PEX6: variants seen among roughly 807,000 people sequenced by gnomAD.
The protein encoded by PEX6 is peroxisome biogenesis factor 6.
In PEX6, 55 loss-of-function variants were observed where a neutral mutation model predicts 85.6. That is an observed-to-expected ratio of 0.64 (90% confidence interval 0.52 to 0.80). PEX6 has a LOEUF of 0.80. PEX6 is among the 30% of genes least tolerant of loss of function. PEX6 has a pLI of 0.00. For missense variants in PEX6, 1,099 were observed against 1,260.3 expected (o/e 0.87, Z 1.94); for synonymous variants, 519 against 549.1 (o/e 0.95, Z 0.77).
In PEX6 at chr6:42,969,700, G is replaced by C. The variant is rs142958800; in HGVS notation, c.1335C>G (p.Leu445=). The C allele has an allele frequency of 5.7e-5, 92 of 1,613,256 alleles. No individual in the cohort carries two copies. The African/African-American group carries it at 1.0e-3, about 18-fold the overall frequency. Residue 445 remains leucine, a synonymous_variant, in exon 5 of 17, where the codon CTC becomes CTG. Transcript: ENST00000304611. ...GGAGGCGAGGCTTCAGGACAGCACAGAGTTCAGACACCAAGGCCTCCAGGC... is the reference window on the plus strand; with the variant it reads ...GGAGGCGAGGCTTCAGGACAGCACACAGTTCAGACACCAAGGCCTCCAGGC... ...PPGLEALVSE[L]CAVLKPRLQP...
At position 42,965,826 on chromosome 6, in the gene PEX6, C is replaced by T. The variant is rs780429362; in HGVS notation, c.2363-37G>A. On this transcript the variant is annotated intron_variant, in intron 12 of 16. Coordinates refer to ENST00000304611, the MANE Select transcript of PEX6 (RefSeq NM_000287.4). This position sits in a 1 kb window ranked among gnomAD's most constrained non-coding sequence, Gnocchi z 5.0. Reference sequence around the variant, plus strand: ...GAGGGGCCCACAGGAGGGCAAAGCTCGGCTTGTGGGGGGTTGAAGTTAGGT... The same window carrying T: ...GAGGGGCCCACAGGAGGGCAAAGCTTGGCTTGTGGGGGGTTGAAGTTAGGT... 1.9e-5 allele frequency: 30 copies of T among 1,575,630 alleles called. No individual in the cohort carries two copies. The highest frequency in any genetic ancestry group is 9.4e-5 in the African/African-American group (7 of 74,104).
intron 6 of PEX6, among the ~76,000 whole-genome samples, 159 bp from the exon 7 acceptor site, chr6:42,968,657 T>A (rs887260049): frequency 6.6e-6 from 1 of 152,102 alleles, no homozygotes; most frequent in African/African-American, 2.4e-5. Context: ...TTTTACCCTA[T>A]CCCATTCCCT....
At chr6:42,974,442 GTTTT>G (rs71855084) in intron 2 of PEX6, among the ~76,000 whole-genome samples, 1 of 115,946 alleles carries the variant, frequency 8.6e-6, no homozygotes, top group East Asian at 2.5e-4. Flanking sequence ...TGTCTGAAAT[GTTTT>G]TTTTGTTTTT....
chr6:42,967,858 G>A (rs879557242), intron 7 of PEX6, among the ~76,000 whole-genome samples: 5 of 151,986 alleles, frequency 3.3e-5, no homozygotes, highest in Non-Finnish European at 7.4e-5. Flanking sequence ...GCAGCCAAAT[G>A]GATGGGAGAT....
Position 42,965,817 on chromosome 6 carries a change from G to A in PEX6, c.2363-28C>T, listed in dbSNP as rs1409548606. The A allele has an allele frequency of 6.3e-7, 1 of 1,585,838 alleles. No individual in the cohort carries two copies. Among genetic ancestry groups the A allele is most frequent in the South Asian group, 1.1e-5 (1 of 90,474 alleles). On this transcript the variant is annotated intron_variant, in intron 12 of 16. Coordinates refer to ENST00000304611, the MANE Select transcript of PEX6 (RefSeq NM_000287.4). The surrounding 1 kb of genome is among the most constrained non-coding windows in gnomAD (Gnocchi z 5.0). Reference sequence around the variant, plus strand: ...GAAGAGAGAGAGGGGCCCACAGGAGGGCAAAGCTCGGCTTGTGGGGGGTTG... The same window carrying A: ...GAAGAGAGAGAGGGGCCCACAGGAGAGCAAAGCTCGGCTTGTGGGGGGTTG...
rs1769664328 is a variant in PEX6, at chr6:42,964,641, G to A, written c.2806+149C>T. On this transcript the variant is annotated intron_variant, in intron 16 of 16. Coordinates refer to ENST00000304611, the MANE Select transcript of PEX6 (RefSeq NM_000287.4). The surrounding 1 kb of genome is among the most constrained non-coding windows in gnomAD (Gnocchi z 4.6). Reference sequence around the variant, plus strand: ...TTTTCCCTTAAACATTTTTTTTAGAGTTGGGGTCTCTCTGTGTTGCCCAGG... The same window carrying A: ...TTTTCCCTTAAACATTTTTTTTAGAATTGGGGTCTCTCTGTGTTGCCCAGG... 1.2e-5 allele frequency: 15 copies of A among 1,262,926 alleles called. No homozygotes were observed. The highest frequency in any genetic ancestry group is 2.3e-5 in the East Asian group (1 of 43,002). The allele number at this position is 1,262,926 out of a possible 1,614,324, so 78.2% of individuals were successfully genotyped here. A position where few individuals can be genotyped will look rare whatever the true frequency, so the allele number is the denominator to read the frequency against.
chr6:42,978,977 C>A lies in PEX6; in HGVS notation c.174G>T (p.Glu58Asp). 1 of 1,510,628 alleles carries A rather than the reference C, an allele frequency of 6.6e-7. No individual in the cohort carries two copies. The highest frequency in any genetic ancestry group is 8.8e-7 in the Non-Finnish European group (1 of 1,137,154). 93.6% of individuals were successfully genotyped at this position (1,510,628 alleles called of 1,614,324 possible). A position where few individuals can be genotyped will look rare whatever the true frequency, so the allele number is the denominator to read the frequency against. ...GCTCTTCGGTGCCCGCGTCCGGCCC[C>A]TCCAGGGCTGCCACCAGCAGCGCCG... is the stretch of plus-strand genomic sequence containing the variant. ...AGPALLVAAL[E>D]GPDAGTEEQG... The change falls in exon 1 of 17, where the codon GAG becomes GAT. Residue 58 changes from glutamate to aspartate, a missense_variant. Coordinates refer to ENST00000304611, the MANE Select transcript of PEX6 (RefSeq NM_000287.4).
Position 42,978,633 on chromosome 6 carries a change from C to G in PEX6, c.518G>C (p.Ser173Thr). ...RARLCPESGD[S>T]SRPPPPPVVS... ...CACGGGCGGGGGTGGGGGCCGACTG[C>G]TGTCCCCAGACTCTGGACACAGTCT... Residue 173 changes from serine (S) to threonine (T), a missense_variant, in exon 1 of 17, where the codon AGC becomes ACC. Transcript: ENST00000304611. 1 of 1,586,886 alleles carries G rather than the reference C, an allele frequency of 6.3e-7. No homozygotes were observed. Among genetic ancestry groups the G allele is most frequent in the Middle Eastern group, 1.7e-4 (1 of 6,040 alleles).
rs575223015 is a variant in PEX6 at position 42,976,688 on chromosome 6, T to C, written c.882+1581A>G. ...TTTTTTTTTTTTACACAATGAAGGT[T>C]TATTTTTTTGTCACTCTTATGTCTG... On this transcript the variant is annotated intron_variant, in intron 1 of 16. Coordinates refer to ENST00000304611, the MANE Select transcript of PEX6 (RefSeq NM_000287.4). Among the ~76,000 whole-genome samples, 369 of 152,222 alleles carry C rather than the reference T, an allele frequency of 2.4e-3. 1 individual carries two copies. Among genetic ancestry groups the C allele is most frequent in the African/African-American group, 8.4e-3 (347 of 41,530 alleles).
At position 42,967,766 on chromosome 6, in the gene PEX6, G is replaced by A. The variant is rs1415484454; in HGVS notation, c.1689-203C>T. Among the ~76,000 whole-genome samples, 9 of 151,868 alleles carry A rather than the reference G, an allele frequency of 5.9e-5. No individual in the cohort carries two copies. In the South Asian group the frequency reaches 1.0e-3, roughly 18 times the overall value. ...GAGGGCAGAGGCTTTTTCTTTAACC[G>A]AGTGTTCCCCAAGAAATGCTAGACC... On this transcript the variant is annotated intron_variant, in intron 7 of 16. Transcript: ENST00000304611.
In PEX6 at chr6:42,979,170, G is replaced by T. The variant is rs747395702; in HGVS notation, c.-20C>A. ...CGCCATGGTGACAGGACACCAACGA[G>T]GAGGGTGAAGGAGCGCAGCTTCCGG... On this transcript the variant is annotated 5_prime_UTR_variant, in exon 1 of 17. Coordinates refer to ENST00000304611, the MANE Select transcript of PEX6 (RefSeq NM_000287.4). The T allele has an allele frequency of 4.5e-6, 7 of 1,569,870 alleles. No individual in the cohort carries two copies. In the African/African-American group the frequency reaches 9.4e-5, roughly 21 times the overall value.
rs745382616 is a variant in PEX6 at position 42,978,836 on chromosome 6, C to T, written c.315G>A (p.Trp105Ter). The change falls in exon 1 of 17, where the codon TGG becomes TGA. Residue 105 changes from tryptophan (W) to a stop codon, truncating the protein, a stop_gained. Coordinates refer to ENST00000304611, the MANE Select transcript of PEX6 (RefSeq NM_000287.4). LOFTEE classifies it high-confidence loss of function. ...GCCCCAGCGAGGTGCCAAGCAGTGC[C>T]CAACCTAGCGCCGGGGGCCGCCGCA... ...RAVRRPPALG[W>*]ALLGTSLGPG... The T allele has an allele frequency of 2.6e-6, 4 of 1,530,298 alleles. No individual in the cohort carries two copies. The highest frequency in any genetic ancestry group is 2.4e-5 in the South Asian group (2 of 83,732). The allele number at this position is 1,530,298 out of a possible 1,614,324, so 94.8% of individuals were successfully genotyped here. A position where few individuals can be genotyped will look rare whatever the true frequency, so the allele number is the denominator to read the frequency against.
intron 6 of PEX6, 56 bp from the exon 7 acceptor site, chr6:42,968,554 G>T: frequency 7.0e-7 from 1 of 1,435,468 alleles, no homozygotes; most frequent in South Asian, 1.2e-5. Context: ...ACAAGGGCAG[G>T]AGAATCAGGG....
intron 8 of PEX6, 106 bp from the exon 9 acceptor site, chr6:42,966,964 GTTGTT>G (rs1769837576): frequency 5.0e-5 from 29 of 584,546 alleles, no homozygotes; most frequent in South Asian, 1.6e-4. Flanking sequence ...CCTTAGGTTT[GTTGTT>G]TTTTTTTTTT....
At chr6:42,977,099 GAAT>G (rs1429025314) in intron 1 of PEX6, among the ~76,000 whole-genome samples, 1 of 152,058 alleles carries the variant, frequency 6.6e-6, no homozygotes, top group Non-Finnish European at 1.5e-5. Flanking sequence ...GATGAGGCTA[GAAT>G]AATAGGAAAC....
chr6:42,975,656 T>TAAAAA (rs1770259860), intron 1 of PEX6, among the ~76,000 whole-genome samples: 1 of 151,380 alleles, frequency 6.6e-6, no homozygotes, highest in South Asian at 2.1e-4. Context: ...GAAATGTGGC[T>TAAAAA]AAAAACAAAA....
intron 2 of PEX6, 113 bp from the exon 3 acceptor site, chr6:42,974,199 A>G (rs1020418908): frequency 6.3e-6 from 5 of 791,724 alleles, no homozygotes; most frequent in Non-Finnish European, 1.1e-5. Flanking sequence ...CTGCCCGCCC[A>G]GAGATCCCAC....
At chr6:42,970,412 T>C (rs978422143) in intron 3 of PEX6, among the ~76,000 whole-genome samples, 2 of 152,344 alleles carry the variant, frequency 1.3e-5, no homozygotes, top group Admixed American at 1.3e-4. Context: ...ATCCACAAAA[T>C]CTCATTGCAG....
chr6:42,974,610 A>G (rs1770205890), intron 2 of PEX6, among the ~76,000 whole-genome samples: 1 of 149,722 alleles, frequency 6.7e-6, no homozygotes, highest in African/African-American at 2.5e-5. Flanking sequence ...GGCGCCCACC[A>G]CCACACTCGG....
Sources: gnomAD v4.1 joint callset for allele counts (sites outside exome capture counted in the v4.1 genomes callset) on GRCh38, gnomAD v4.1.1 for gene constraint, Gnocchi (gnomAD v3.1) non-coding constraint, MANE v1.5 for transcripts, NCBI Gene and HGNC (gene_info 2026-07-23, HGNC 2026-07-21) for gene names.